NLGN4X: variants seen among roughly 807,000 people sequenced by gnomAD.
NLGN4X encodes neuroligin-4, X-linked.
A neutral mutation model predicts 40.3 loss-of-function variants in NLGN4X; 3 were observed. The ratio of observed to expected loss-of-function variants is 0.07; its 90% confidence interval spans 0.03 to 0.19. NLGN4X has a LOEUF of 0.19. Among genes scored for constraint, NLGN4X ranks in the 10% least tolerant of loss-of-function variants. NLGN4X has a pLI of 1.00. For synonymous variants in NLGN4X, 270 were observed against 306.8 expected (o/e 0.88, Z 1.25); for missense variants, 382 against 708.3 (o/e 0.54, Z 5.23).
chrX:5,946,303 C>T (rs762462171), intron 3 of NLGN4X, among the ~76,000 whole-genome samples: 2 of 111,695 alleles, frequency 1.8e-5, no homozygotes, highest in East Asian at 2.8e-4. Flanking sequence ...TACTTGAGGA[C>T]GGAAAACAAT....
intron 2 of NLGN4X, among the ~76,000 whole-genome samples, chrX:6,124,874 G>A (rs2039507248): frequency 2.7e-5 from 3 of 112,245 alleles, no homozygotes; most frequent in South Asian, 3.7e-4. Flanking sequence ...CACACCGAAC[G>A]TTTACAAAAT....
intron 2 of NLGN4X, among the ~76,000 whole-genome samples, chrX:6,103,530 G>A (rs1453824921): frequency 1.8e-5 from 2 of 112,133 alleles, no homozygotes; most frequent in African/African-American, 6.5e-5. Context: ...ATATGAATGA[G>A]CCAAATATTA....
At chrX:5,968,457 C>CTCTCTCTGTG (rs1192942244) in intron 3 of NLGN4X, among the ~76,000 whole-genome samples, 3 of 47,020 alleles carry the variant, frequency 6.4e-5, no homozygotes, top group East Asian at 5.9e-4. Context: ...CTCTCTCTCT[C>CTCTCTCTGTG]TGTGTGTGTG....
chrX:6,027,363 G>C (rs924487230), intron 3 of NLGN4X, among the ~76,000 whole-genome samples: 1 of 112,300 alleles, frequency 8.9e-6, no homozygotes, highest in Admixed American at 9.4e-5. Context: ...GCCAAGATGT[G>C]GCTCACAGAA....
intron 1 of NLGN4X, among the ~76,000 whole-genome samples, chrX:6,227,506 A>G (rs943766854): frequency 8.3e-5 from 9 of 108,797 alleles, no homozygotes; most frequent in African/African-American, 3.1e-4. Context: ...GGCAGCTGCA[A>G]GCCCCCCCGC....
chrX:5,961,067 G>C (rs749903785), intron 3 of NLGN4X, among the ~76,000 whole-genome samples: 9 of 108,648 alleles, frequency 8.3e-5, no homozygotes, highest in Non-Finnish European at 1.7e-4. Flanking sequence ...TCCCTCTGTC[G>C]CCCAGGCTGG....
chrX:6,197,443 G>GTTTTTTTTTTTTTT (rs1602407338), intron 1 of NLGN4X, among the ~76,000 whole-genome samples: 3 of 82,597 alleles, frequency 3.6e-5, no homozygotes, highest in Non-Finnish European at 7.1e-5. Context: ...TTTTTTTTTT[G>GTTTTTTTTTTTTTT]TATTTTTTAT....
At chrX:6,056,709 G>C (rs747113605) in intron 2 of NLGN4X, among the ~76,000 whole-genome samples, 2 of 112,164 alleles carry the variant, frequency 1.8e-5, no homozygotes. Context: ...CTTTTAGTCA[G>C]ATAGTGTGAG....
intron 3 of NLGN4X, among the ~76,000 whole-genome samples, chrX:6,002,066 G>A (rs910410149): frequency 9.0e-6 from 1 of 111,141 alleles, no homozygotes; most frequent in Non-Finnish European, 1.9e-5. Flanking sequence ...ATGACTTCCT[G>A]TGGGGGGTGC....
chrX:5,980,090 ATG>A (rs1433998093), intron 3 of NLGN4X, among the ~76,000 whole-genome samples: 1 of 106,622 alleles, frequency 9.4e-6, no homozygotes, highest in African/African-American at 3.4e-5. Flanking sequence ...TGGTAAATAT[ATG>A]ATATATTTTA....
intron 2 of NLGN4X, among the ~76,000 whole-genome samples, chrX:6,096,441 T>A (rs990134854): frequency 1.8e-5 from 2 of 111,472 alleles, no homozygotes; most frequent in Admixed American, 9.6e-5. Flanking sequence ...ACCCTTAATG[T>A]GATAGCCTCA....
intron 2 of NLGN4X, among the ~76,000 whole-genome samples, chrX:6,111,270 C>T (rs1030018522): frequency 9.0e-6 from 1 of 111,720 alleles, no homozygotes; most frequent in Admixed American, 9.5e-5. Context: ...CATGATAACT[C>T]TACCCTCATG....
intron 1 of NLGN4X, among the ~76,000 whole-genome samples, chrX:6,219,285 G>A (rs1312546779): frequency 9.4e-6 from 1 of 105,961 alleles, no homozygotes; most frequent in Non-Finnish European, 1.9e-5. Context: ...GTTAGTTAAT[G>A]GTGCACAGAA....
chrX:6,151,806 G>A, intron 1 of NLGN4X, 35 bp from the exon 2 acceptor site: 1 of 271,371 alleles, frequency 3.7e-6, no homozygotes, highest in Non-Finnish European at 6.7e-6. Context: ...GAATAATGAA[G>A]CCACACAACG....
intron 1 of NLGN4X, among the ~76,000 whole-genome samples, chrX:6,175,307 A>G (rs2040701706): frequency 9.0e-6 from 1 of 111,070 alleles, no homozygotes; most frequent in South Asian, 3.9e-4. Flanking sequence ...TTATCTCTGT[A>G]TTTCTGCCTC....
At chrX:6,097,236 C>CT (rs35401398) in intron 2 of NLGN4X, among the ~76,000 whole-genome samples, 38 of 97,625 alleles carry the variant, frequency 3.9e-4, no homozygotes, top group Middle Eastern at 0.011. Context: ...GCTTTCTTGG[C>CT]TTTTTTTTTT....
intron 2 of NLGN4X, among the ~76,000 whole-genome samples, chrX:6,088,664 T>G (rs747695876): frequency 8.9e-6 from 1 of 112,068 alleles, no homozygotes; most frequent in African/African-American, 3.2e-5. Context: ...AAAGAGAAAA[T>G]AATAAACTTC....
intron 3 of NLGN4X, among the ~76,000 whole-genome samples, chrX:6,018,619 C>T (rs1258223897): frequency 8.9e-6 from 1 of 112,090 alleles, no homozygotes; most frequent in African/African-American, 3.2e-5. Flanking sequence ...CAACACTGCA[C>T]CCAGTGCTGA....
intron 3 of NLGN4X, among the ~76,000 whole-genome samples, chrX:5,956,369 T>TCTAAGA (rs1040281939): frequency 9.0e-6 from 1 of 110,891 alleles, no homozygotes; most frequent in African/African-American, 3.3e-5. Context: ...CCAATTATAT[T>TCTAAGA]CTAAGACATA....
Sources: allele counts gnomAD v4.1 joint callset (sites outside exome capture counted in the v4.1 genomes callset), GRCh38; gene constraint gnomAD v4.1.1; transcripts MANE v1.5; gene names NCBI Gene and HGNC (gene_info 2026-07-23, HGNC 2026-07-21).